CTNND2: variants seen among roughly 807,000 people sequenced by gnomAD.
CTNND2 encodes catenin delta-2.
A neutral mutation model predicts 144.4 loss-of-function variants in CTNND2; 22 were observed. The observed-to-expected ratio is 0.15, with a 90% confidence interval of 0.11 to 0.22. The LOEUF (loss-of-function observed/expected upper bound fraction) is 0.22. CTNND2 is among the 10% of genes least tolerant of loss of function. The pLI is 1.00. For missense variants in CTNND2, 1,353 were observed against 1,618.8 expected (o/e 0.84, Z 2.82); for synonymous variants, 751 against 695.6 (o/e 1.08, Z -1.25).
chr5:11,496,439 C>T (rs963706711), intron 3 of CTNND2, among the ~76,000 whole-genome samples: 8 of 152,122 alleles, frequency 5.3e-5, no homozygotes, highest in African/African-American at 1.9e-4. Flanking sequence ...AGGACTAGTC[C>T]AATTAGAGCT....
chr5:11,526,537 G>A (rs1468418656), intron 3 of CTNND2, among the ~76,000 whole-genome samples: 2 of 152,196 alleles, frequency 1.3e-5, no homozygotes, highest in African/African-American at 4.8e-5. Flanking sequence ...GGCAGCTGGT[G>A]CCTTCGGTAG....
At chr5:11,575,003 C>T (rs1473693683) in intron 2 of CTNND2, among the ~76,000 whole-genome samples, 2 of 152,188 alleles carry the variant, frequency 1.3e-5, no homozygotes, top group Admixed American at 6.5e-5. Flanking sequence ...CTTTGCCTTT[C>T]AATTTTACAG....
intron 20 of CTNND2, among the ~76,000 whole-genome samples, chr5:10,986,334 T>C (rs1428605200): frequency 2.6e-5 from 4 of 152,238 alleles, no homozygotes; most frequent in Admixed American, 2.0e-4. Flanking sequence ...ATGATTCTCT[T>C]GGGCAAGAGA....
At chr5:11,563,000 C>A (rs1776798798) in intron 3 of CTNND2, among the ~76,000 whole-genome samples, 2 of 152,222 alleles carry the variant, frequency 1.3e-5, no homozygotes. Flanking sequence ...AGCACACAAG[C>A]CACTATGGCC....
chr5:11,766,625 T>C (rs1184982026), intron 1 of CTNND2, among the ~76,000 whole-genome samples: 1 of 152,144 alleles, frequency 6.6e-6, no homozygotes, highest in East Asian at 1.9e-4. Context: ...CAGTCTCAGC[T>C]TTGTCTTTAT....
intron 2 of CTNND2, among the ~76,000 whole-genome samples, chr5:11,575,256 A>C (rs908521917): frequency 6.6e-6 from 1 of 152,220 alleles, no homozygotes; most frequent in Non-Finnish European, 1.5e-5. Flanking sequence ...CTCTCAGTAC[A>C]TGAGGAATAG....
chr5:11,508,136 G>A (rs926776687), intron 3 of CTNND2, among the ~76,000 whole-genome samples: 8 of 152,088 alleles, frequency 5.3e-5, no homozygotes, highest in Admixed American at 1.3e-4. Flanking sequence ...TTCTCCTATC[G>A]CTAAGGAATT....
rs937672565 is a variant in CTNND2 at position 11,385,194 on chromosome 5, G to A, written c.648C>T (p.Pro216=). The A allele has an allele frequency of 1.9e-6, 2 of 1,050,686 alleles. No homozygotes were observed. The highest frequency in any genetic ancestry group is 3.4e-5 in the African/African-American group (2 of 58,602). 65.1% of individuals were successfully genotyped at this position (1,050,686 alleles called of 1,614,324 possible). A position where few individuals can be genotyped will look rare whatever the true frequency, so the allele number is the denominator to read the frequency against. ...GCGGCGGCGGCGGCGGCGCGGGCTC[G>A]GGCCCCGCCAGGTGGCCGGCGCGGC... ...TTSRAGHLAG[P]EPAPPPPPPP... Residue 216 remains proline, a synonymous_variant, in exon 7 of 22, where the codon CCC becomes CCT. Coordinates refer to ENST00000304623, the MANE Select transcript of CTNND2 (RefSeq NM_001332.4).
At chr5:11,387,191 C>T (rs748301994) in intron 6 of CTNND2, among the ~76,000 whole-genome samples, 1 of 151,410 alleles carries the variant, frequency 6.6e-6, no homozygotes, top group Non-Finnish European at 1.5e-5. Context: ...TCCCACGTCC[C>T]GCTAGAGCAG....
At chr5:11,789,752 T>C (rs1791033620) in intron 1 of CTNND2, among the ~76,000 whole-genome samples, 3 of 152,188 alleles carry the variant, frequency 2.0e-5, no homozygotes, top group Non-Finnish European at 4.4e-5. Context: ...TCAAATACAA[T>C]GTTGAATATT....
At chr5:11,369,681 G>A (rs1757288639) in intron 7 of CTNND2, among the ~76,000 whole-genome samples, 1 of 152,222 alleles carries the variant, frequency 6.6e-6, no homozygotes, top group African/African-American at 2.4e-5. Flanking sequence ...TTGAAAATAA[G>A]TTATTACATG....
chr5:11,309,112 AG>A (rs1750547906), intron 9 of CTNND2, among the ~76,000 whole-genome samples: 1 of 152,208 alleles, frequency 6.6e-6, no homozygotes, highest in African/African-American at 2.4e-5. Context: ...AGATTTGGGC[AG>A]GGACACAAAT....
chr5:11,228,206 G>A (rs372637281), intron 10 of CTNND2, among the ~76,000 whole-genome samples: 119 of 151,768 alleles, frequency 7.8e-4, no homozygotes, highest in African/African-American at 2.8e-3. Flanking sequence ...TTAGCCAGGC[G>A]TGGTGGTGAA....
intron 3 of CTNND2, among the ~76,000 whole-genome samples, chr5:11,440,349 G>T (rs1424016752): frequency 6.6e-6 from 1 of 152,076 alleles, no homozygotes; most frequent in African/African-American, 2.4e-5. Context: ...AGTTCAACGT[G>T]GACTTTCCTA....
chr5:11,344,341 G>C (rs967522004), intron 9 of CTNND2, among the ~76,000 whole-genome samples: 4 of 151,582 alleles, frequency 2.6e-5, no homozygotes, highest in Non-Finnish European at 5.9e-5. Context: ...GCAGTGAGCG[G>C]AGATCGCGCC....
intron 2 of CTNND2, among the ~76,000 whole-genome samples, chr5:11,668,080 T>C (rs897140005): frequency 2.0e-5 from 3 of 152,196 alleles, no homozygotes; most frequent in Non-Finnish European, 4.4e-5. Flanking sequence ...GTTGTAGATA[T>C]GTGGTGTTAT....
chr5:11,253,573 C>T (rs1337512977), intron 9 of CTNND2, among the ~76,000 whole-genome samples: 1 of 152,170 alleles, frequency 6.6e-6, no homozygotes, highest in Non-Finnish European at 1.5e-5. Flanking sequence ...GAGGCCTCCC[C>T]AGCCACATGG....
At chr5:11,694,934 A>G (rs77183655) in intron 2 of CTNND2, among the ~76,000 whole-genome samples, 78 of 152,360 alleles carry the variant, frequency 5.1e-4, no homozygotes, top group African/African-American at 1.8e-3. Context: ...GTCATCTTAA[A>G]TGTATATGGT....
chr5:11,336,930 A>G (rs1434504592), intron 9 of CTNND2, among the ~76,000 whole-genome samples: 1 of 152,140 alleles, frequency 6.6e-6, no homozygotes, highest in Non-Finnish European at 1.5e-5. Flanking sequence ...ACAGTCCCTG[A>G]GGAATGATTG....
Sources: allele counts gnomAD v4.1 joint callset (sites outside exome capture counted in the v4.1 genomes callset), GRCh38; gene constraint gnomAD v4.1.1; transcripts MANE v1.5; gene names NCBI Gene and HGNC (gene_info 2026-07-23, HGNC 2026-07-21).